RUFY2: variants seen among roughly 807,000 people sequenced by gnomAD.
The protein encoded by RUFY2 is RUN and FYVE domain-containing protein 2.
In RUFY2, 49 loss-of-function variants were observed where a neutral mutation model predicts 94.4. That is an observed-to-expected ratio of 0.52 (90% CI 0.41 to 0.66). The LOEUF (loss-of-function observed/expected upper bound fraction) is 0.66, where lower values mean the gene tolerates loss of function less well. Ranked by LOEUF, RUFY2 falls within the 30% of genes least tolerant of loss-of-function variation. RUFY2 has a pLI of 0.00. For synonymous variants in RUFY2, 255 were observed against 235.7 expected, an observed-to-expected ratio of 1.08 and a Z score of -0.75; for missense variants, 541 against 692.8, an observed-to-expected ratio of 0.78 and a Z score of 2.46.
chr10:68,398,656 AAATAT>A (rs796730627), intron 3 of RUFY2, among the ~76,000 whole-genome samples: 76 of 152,248 alleles, frequency 5.0e-4, no homozygotes, highest in African/African-American at 1.8e-3. Flanking sequence ...AGTCTCCATA[AAATAT>A]AATAATAATT....
intron 16 of RUFY2, among the ~76,000 whole-genome samples, chr10:68,349,321 G>A (rs2046494255): frequency 6.6e-6 from 1 of 151,964 alleles, no homozygotes; most frequent in African/African-American, 2.4e-5. Flanking sequence ...TTTGAGACCA[G>A]CCTGGGCAAC....
At chr10:68,341,914 T>C (rs2045983707), downstream of RUFY2, 1 of 1,587,602 alleles carries the variant, frequency 6.3e-7, no homozygotes, top group Non-Finnish European at 8.7e-7. Context: ...AAAGTGCAGG[T>C]ATTACTTTTA....
chr10:68,345,961 C>T (rs1564769186), intron 17 of RUFY2, 46 bp downstream of exon 17: 5 of 1,611,682 alleles, frequency 3.1e-6, no homozygotes, highest in Admixed American at 1.7e-5. Context: ...ATAAAATTAG[C>T]ATTTTTGCAC....
rs746438141 is a variant in RUFY2, at chr10:68,381,296, A to G, written c.1043T>C (p.Ile348Thr). ...KDIHEKQDTL[I>T]GLRQQLEEVK... is the part of the protein sequence containing the mutation. The stretch of plus-strand genomic sequence containing the variant: ...TTCCTCTAGTTGTTGTCGAAGGCCT[A>G]TCAGAGTATCTTGTTTCTCATGGAT... Residue 348 changes from isoleucine (I) to threonine (T), a missense_variant, in exon 11 of 18, where the codon ATA becomes ACA. Physicochemically the swap from Ile to Thr is moderately conservative, Grantham distance 89. This residue lies in a region of RUFY2 where 403 missense variants were observed against 480.7 expected (regional missense o/e 0.84). Transcript: ENST00000602465. The G allele has an allele frequency of 6.2e-7, 1 of 1,613,990 alleles. No individual in the cohort carries two copies. The highest frequency in any genetic ancestry group is 8.5e-7 in the Non-Finnish European group (1 of 1,179,932).
At position 68,345,847 on chromosome 10, in the gene RUFY2, G is replaced by A; in HGVS notation, c.1742C>T (p.Pro581Leu). 6.2e-7 allele frequency: 1 copy of A among 1,614,082 alleles called. No individual in the cohort carries two copies. The change falls in exon 18 of 18, where the codon CCT becomes CTT. Residue 581 changes from proline to leucine, a missense_variant. Physicochemically the swap from Pro to Leu is moderately conservative, Grantham distance 98. This residue lies in a region of RUFY2 where 403 missense variants were observed against 480.7 expected (regional missense o/e 0.84). Transcript: ENST00000602465. ...NACSDNELPL[P>L]SSPKPVRVCD... ...AACCCGTACTGGTTTTGGTGAAGAA[G>A]GCAAAGGTAGTTCGTTGTCAGAGCA...
chr10:68,358,460 C>A (rs779770094), intron 15 of RUFY2, among the ~76,000 whole-genome samples: 1 of 152,158 alleles, frequency 6.6e-6, no homozygotes, highest in Admixed American at 6.6e-5. Context: ...AAAATACTGA[C>A]ATAATCATCA....
intron 10 of RUFY2, among the ~76,000 whole-genome samples, chr10:68,383,211 G>T (rs1291337498): frequency 6.6e-6 from 1 of 151,732 alleles, no homozygotes; most frequent in African/African-American, 2.4e-5. Flanking sequence ...TGTAGTCCCA[G>T]CTACTTGGGA....
chr10:68,389,974 T>C (rs1026565615), intron 7 of RUFY2, among the ~76,000 whole-genome samples: 12 of 152,316 alleles, frequency 7.9e-5, no homozygotes, highest in Admixed American at 5.9e-4. Context: ...GGAAACTAGA[T>C]GGATGAAGAT....
chr10:68,398,643 C>T (rs1404487807), intron 3 of RUFY2, among the ~76,000 whole-genome samples: 2 of 152,088 alleles, frequency 1.3e-5, no homozygotes, highest in Admixed American at 6.6e-5. Context: ...CAGAGACAGA[C>T]TCAGTCTCCA....
chr10:68,370,852 G>T (rs1223646729), intron 13 of RUFY2, among the ~76,000 whole-genome samples: 1 of 152,038 alleles, frequency 6.6e-6, no homozygotes, highest in African/African-American at 2.4e-5. Context: ...AAAAAGGTCA[G>T]CTGGGCTCAG....
Position 68,345,863 on chromosome 10 carries a change from T to C in RUFY2, c.1726A>G (p.Asn576Asp), listed in dbSNP as rs1283909645. Residue 576 changes from asparagine (N) to aspartate (D), a missense_variant, in exon 18 of 18, where the codon AAC (asparagine) becomes GAC (aspartate). Coordinates refer to ENST00000602465, the MANE Select transcript of RUFY2 (RefSeq NM_001330103.2). Reference protein sequence around the residue: ...GEIFCNACSDNELPLPSSPKP... With the variant: ...GEIFCNACSDDELPLPSSPKP... ...GGTGAAGAAGGCAAAGGTAGTTCGTTGTCAGAGCAGGCATTACAGAAAATT... is the reference window on the plus strand; with the variant it reads ...GGTGAAGAAGGCAAAGGTAGTTCGTCGTCAGAGCAGGCATTACAGAAAATT... The C allele has an allele frequency of 3.1e-6, 5 of 1,614,036 alleles. No individual in the cohort carries two copies. Among genetic ancestry groups the C allele is most frequent in the Admixed American group, 1.7e-5 (1 of 60,000 alleles).
rs781728829 is a variant in RUFY2, at chr10:68,355,345, C to G, written c.1599+8G>C. ...TACCTTCCCACTTTAGGAAAACGTTCTACTCACCTGCAATGCTTTGTTGGC... is the reference window on the plus strand; with the variant it reads ...TACCTTCCCACTTTAGGAAAACGTTGTACTCACCTGCAATGCTTTGTTGGC... On this transcript the variant is annotated splice_region_variant and intron_variant, in intron 16 of 17. Transcript: ENST00000602465. 6.2e-7 allele frequency: 1 copy of G among 1,606,166 alleles called. No individual in the cohort carries two copies. Among genetic ancestry groups the G allele is most frequent in the Non-Finnish European group, 8.5e-7 (1 of 1,173,620 alleles).
intron 7 of RUFY2, among the ~76,000 whole-genome samples, chr10:68,389,680 G>C (rs1554891175): frequency 6.6e-6 from 1 of 152,032 alleles, no homozygotes; most frequent in Non-Finnish European, 1.5e-5. Context: ...TGTAATCCCA[G>C]AACTTTGGGA....
At chr10:68,358,517 C>A (rs1017227550) in intron 15 of RUFY2, among the ~76,000 whole-genome samples, 1 of 152,150 alleles carries the variant, frequency 6.6e-6, no homozygotes, top group Non-Finnish European at 1.5e-5. Flanking sequence ...CTCAGGAAAA[C>A]TGACTCTTGG....
intron 1 of RUFY2, among the ~76,000 whole-genome samples, chr10:68,405,130 T>G (rs575702387): frequency 6.6e-6 from 1 of 151,974 alleles, no homozygotes; most frequent in Non-Finnish European, 1.5e-5. Flanking sequence ...CTGGCCAACA[T>G]GGTGAAACCC....
intron 1 of RUFY2, among the ~76,000 whole-genome samples, chr10:68,405,937 G>C (rs1338724909): frequency 1.3e-5 from 2 of 151,982 alleles, no homozygotes; most frequent in African/African-American, 4.8e-5. Flanking sequence ...CATCAAGTAA[G>C]ATATTTTCAA....
At chr10:68,388,052 C>T (rs1162986961) in intron 7 of RUFY2, among the ~76,000 whole-genome samples, 1 of 152,120 alleles carries the variant, frequency 6.6e-6, no homozygotes, top group East Asian at 1.9e-4. Context: ...TCCTGAGCTT[C>T]AGTTTCTTTT....
At chr10:68,354,710 A>G (rs2046924720) in intron 16 of RUFY2, among the ~76,000 whole-genome samples, 1 of 152,250 alleles carries the variant, frequency 6.6e-6, no homozygotes, top group Non-Finnish European at 1.5e-5. Flanking sequence ...CAATGAGGAT[A>G]CATGACTTGC....
intron 2 of RUFY2, among the ~76,000 whole-genome samples, chr10:68,403,936 G>C (rs550807340): frequency 6.6e-6 from 1 of 151,866 alleles, no homozygotes; most frequent in Non-Finnish European, 1.5e-5. Context: ...GGGACCACAG[G>C]CATATGCTGG....
Sources: allele counts gnomAD v4.1 joint callset (sites outside exome capture counted in the v4.1 genomes callset), GRCh38; gene constraint gnomAD v4.1.1; regional missense constraint gnomAD v4.1.1; transcripts MANE v1.5; gene names NCBI Gene and HGNC (gene_info 2026-07-23, HGNC 2026-07-21).